Variants in SLC8A1 observed in about 807,000 individuals in gnomAD.
SLC8A1 encodes sodium/calcium exchanger 1.
Under a neutral mutation model 68.3 loss-of-function variants are expected in SLC8A1, and 18 were observed. The observed-to-expected ratio is 0.26, with a 90% CI of 0.18 to 0.39. SLC8A1 has a LOEUF of 0.39. Ranked by LOEUF, SLC8A1 falls within the 10% of genes least tolerant of loss-of-function variation. SLC8A1 has a pLI of 1.00. For synonymous variants in SLC8A1, 475 were observed against 415.5 expected (o/e 1.14, Z -1.74); for missense variants, 985 against 1,156.7 (o/e 0.85, Z 2.15).
chr2:40,207,413 T>C (rs1182541763), intron 2 of SLC8A1, among the ~76,000 whole-genome samples: 1 of 152,046 alleles, frequency 6.6e-6, no homozygotes, highest in Non-Finnish European at 1.5e-5. Context: ...GATGGTCTTA[T>C]CTATAACTTT....
intron 2 of SLC8A1, among the ~76,000 whole-genome samples, chr2:40,239,790 G>T (rs560073702): frequency 1.7e-3 from 258 of 152,304 alleles, no homozygotes; most frequent in Non-Finnish European, 3.0e-3. Flanking sequence ...ATTGTTACAG[G>T]AGTGAAGTAC....
At chr2:40,273,897 T>C (rs1231751387) in intron 2 of SLC8A1, among the ~76,000 whole-genome samples, 1 of 148,754 alleles carries the variant, frequency 6.7e-6, no homozygotes, top group Admixed American at 6.7e-5. Flanking sequence ...TTAGTTGAGA[T>C]GTGCTGTCAG....
chr2:40,328,740 T>C (rs1453646830), intron 2 of SLC8A1, among the ~76,000 whole-genome samples: 2 of 152,160 alleles, frequency 1.3e-5, no homozygotes, highest in Non-Finnish European at 2.9e-5. Context: ...TGAATCAGTT[T>C]CCAAATTTGG....
intron 6 of SLC8A1, among the ~76,000 whole-genome samples, chr2:40,140,413 C>T (rs1485621639): frequency 1.3e-5 from 2 of 152,174 alleles, no homozygotes. Context: ...CTCTGACCTC[C>T]CCCCAAACCC....
intron 6 of SLC8A1, among the ~76,000 whole-genome samples, chr2:40,141,438 C>T (rs991697874): frequency 6.6e-6 from 1 of 152,148 alleles, no homozygotes; most frequent in Non-Finnish European, 1.5e-5. Flanking sequence ...ACACTTTGGG[C>T]GTCTGTGAAG....
At chr2:40,357,639 A>G (rs1332531300) in intron 2 of SLC8A1, among the ~76,000 whole-genome samples, 1 of 152,144 alleles carries the variant, frequency 6.6e-6, no homozygotes, top group Non-Finnish European at 1.5e-5. Flanking sequence ...TAACAAACCT[A>G]TGTAACAAAC....
chr2:40,246,787 T>C (rs982172637), intron 2 of SLC8A1, among the ~76,000 whole-genome samples: 11 of 152,330 alleles, frequency 7.2e-5, no homozygotes, highest in East Asian at 5.8e-4. Flanking sequence ...AAATTCTGGC[T>C]ACTTTTTCAT....
intron 3 of SLC8A1, 53 bp from the exon 5 acceptor site, chr2:40,174,895 A>G: frequency 6.4e-7 from 1 of 1,553,380 alleles, no homozygotes; most frequent in Non-Finnish European, 8.9e-7. Context: ...TCTACATAAC[A>G]AATACCAGTG....
chr2:40,179,048 A>G (rs1169590616), intron 2 of SLC8A1, among the ~76,000 whole-genome samples: 1 of 151,250 alleles, frequency 6.6e-6, no homozygotes, highest in Non-Finnish European at 1.5e-5. Context: ...CAAAGAAAAT[A>G]TAGTCAAGTT....
intron 2 of SLC8A1, among the ~76,000 whole-genome samples, chr2:40,253,073 T>C: frequency 1.7e-5 from 2 of 119,106 alleles, no homozygotes; most frequent in Admixed American, 9.2e-5. Context: ...ATATACTATA[T>C]ATGTGTATAA....
intron 1 of SLC8A1, among the ~76,000 whole-genome samples, chr2:40,482,944 C>A (rs1559761343): frequency 6.7e-6 from 1 of 150,360 alleles, no homozygotes; most frequent in Non-Finnish European, 1.5e-5. Context: ...GCGCCCGCCA[C>A]CACGCCCGGC....
At chr2:40,363,483 G>T (rs1197749200) in intron 2 of SLC8A1, among the ~76,000 whole-genome samples, 1 of 152,034 alleles carries the variant, frequency 6.6e-6, no homozygotes. Flanking sequence ...GATTAGAGAT[G>T]ATCAATGAGA....
intron 1 of SLC8A1, among the ~76,000 whole-genome samples, chr2:40,474,590 C>G (rs1487899528): frequency 6.6e-6 from 1 of 152,180 alleles, no homozygotes; most frequent in Non-Finnish European, 1.5e-5. Context: ...GCTAACAATA[C>G]TAAATTGGCT....
intron 1 of SLC8A1, among the ~76,000 whole-genome samples, chr2:40,437,076 A>G (rs964896169): frequency 1.3e-5 from 2 of 152,206 alleles, no homozygotes; most frequent in African/African-American, 4.8e-5. Context: ...CGCATTTTAC[A>G]AATGAGAAAA....
chr2:40,432,340 A>G (rs4557029), intron 1 of SLC8A1, among the ~76,000 whole-genome samples: 100,843 of 149,300 alleles, frequency 0.68, 35,899 homozygotes, highest in East Asian at 0.93. Flanking sequence ...TCAGAAGGTT[A>G]AAAACTCCTA....
At chr2:40,104,150 T>A (rs1395793990) in exon 8 of SLC8A1, 2 of 152,198 alleles carry the variant, frequency 1.3e-5, no homozygotes, top group Non-Finnish European at 2.9e-5. Flanking sequence ...GAACACTGTG[T>A]CCTCAGAGAT....
intron 2 of SLC8A1, among the ~76,000 whole-genome samples, chr2:40,269,301 T>C (rs1001141904): frequency 2.0e-5 from 3 of 152,218 alleles, no homozygotes; most frequent in African/African-American, 4.8e-5. Flanking sequence ...TCAGGTCTTA[T>C]GGTATTAAGG....
intron 2 of SLC8A1, among the ~76,000 whole-genome samples, chr2:40,396,748 T>TAAAAAAAAAAAAAAACAAAAAAAAA (rs1687034419): frequency 1.1e-5 from 1 of 87,086 alleles, no homozygotes; most frequent in Non-Finnish European, 2.1e-5. Flanking sequence ...CTCTAATAAC[T>TAAAAAAAAAAAAAAACAAAAAAAAA]AAAAAAAAAA....
chr2:40,365,368 C>G (rs1218461099), intron 2 of SLC8A1, among the ~76,000 whole-genome samples: 1 of 152,058 alleles, frequency 6.6e-6, no homozygotes, highest in African/African-American at 2.4e-5. Context: ...ATCCAAACAT[C>G]TAAATAACCT....
Sources: allele counts gnomAD v4.1 joint callset (sites outside exome capture counted in the v4.1 genomes callset), GRCh38; gene constraint gnomAD v4.1.1; transcripts MANE v1.5; gene names NCBI Gene and HGNC (gene_info 2026-07-23, HGNC 2026-07-21).